The following METTL15 variants were observed in gnomAD, a reference collection of about 807,000 sequenced individuals.
METTL15 encodes the protein 12S rRNA N(4)-cytidine methyltransferase METTL15.
METTL15 carries 34 observed loss-of-function variants against 38.3 expected under a neutral mutation model. That is an observed-to-expected ratio of 0.89 (90% CI 0.68 to 1.18). The LOEUF (loss-of-function observed/expected upper bound fraction) is 1.18. METTL15 is among the 50% of genes most tolerant of loss of function. The pLI, the probability that METTL15 is intolerant of heterozygous loss-of-function variation, is 0.00. For missense variants in METTL15, 438 were observed against 498.4 expected (o/e 0.88, Z 1.15); for synonymous variants, 162 against 170.9 (o/e 0.95, Z 0.41).
At chr11:28,325,302 A>G (rs1400664219) in intron 6 of METTL15, among the ~76,000 whole-genome samples, 1 of 152,196 alleles carries the variant, frequency 6.6e-6, no homozygotes, top group Non-Finnish European at 1.5e-5. Context: ...ACCTCGGCCT[A>G]TCCTTGACCA....
At chr11:28,135,092 G>A (rs777266283) in intron 3 of METTL15, among the ~76,000 whole-genome samples, 3 of 152,178 alleles carry the variant, frequency 2.0e-5, no homozygotes, top group Non-Finnish European at 4.4e-5. Flanking sequence ...AGTTTAAAAT[G>A]TAGGCAAAAA....
At chr11:28,480,720 G>T (rs899454823) in intron 6 of METTL15, among the ~76,000 whole-genome samples, 1 of 152,166 alleles carries the variant, frequency 6.6e-6, no homozygotes, top group African/African-American at 2.4e-5. Flanking sequence ...AGATATTAAG[G>T]TTTTAGAATT....
intron 6 of METTL15, among the ~76,000 whole-genome samples, chr11:28,473,764 T>C (rs1192877008): frequency 6.6e-6 from 1 of 152,222 alleles, no homozygotes; most frequent in South Asian, 2.1e-4. Context: ...ATCTTTCTCC[T>C]TGGCCTGACC....
At chr11:28,521,383 A>C (rs1237216535) in intron 6 of METTL15, among the ~76,000 whole-genome samples, 2 of 152,232 alleles carry the variant, frequency 1.3e-5, no homozygotes, top group Admixed American at 1.3e-4. Flanking sequence ...AAGCCAAAAG[A>C]GCACTATACC....
intron 6 of METTL15, among the ~76,000 whole-genome samples, chr11:28,432,992 T>A (rs1300784487): frequency 6.6e-6 from 1 of 152,030 alleles, no homozygotes; most frequent in African/African-American, 2.4e-5. Flanking sequence ...ATAAACTATT[T>A]TCCTTTATAT....
downstream of METTL15, among the ~76,000 whole-genome samples, chr11:28,333,753 A>G (rs577648310): frequency 3.9e-5 from 6 of 152,062 alleles, no homozygotes; most frequent in East Asian, 1.2e-3. Flanking sequence ...AGTATATGAT[A>G]TATTATTTGT....
chr11:28,358,303 G>C (rs1850107305), intron 4 of METTL15, among the ~76,000 whole-genome samples: 2 of 152,184 alleles, frequency 1.3e-5, no homozygotes, highest in African/African-American at 4.8e-5. Context: ...AGAGAATCCA[G>C]CCATGCTATG....
At chr11:28,293,257 T>G (rs1402039319) in intron 5 of METTL15, among the ~76,000 whole-genome samples, 2 of 152,194 alleles carry the variant, frequency 1.3e-5, no homozygotes, top group African/African-American at 4.8e-5. Context: ...GGGATCCAGT[T>G]TCAGCTTTCT....
intron 6 of METTL15, among the ~76,000 whole-genome samples, chr11:28,305,102 G>T (rs973239655): frequency 6.6e-5 from 10 of 152,040 alleles, no homozygotes; most frequent in Non-Finnish European, 1.0e-4. Context: ...AACTAAATTA[G>T]CAAATGACAT....
chr11:28,152,006 G>A (rs374082207), intron 3 of METTL15, among the ~76,000 whole-genome samples: 18 of 152,054 alleles, frequency 1.2e-4, no homozygotes, highest in African/African-American at 4.3e-4. Context: ...AATTCCCAGC[G>A]TGAGTGCCTG....
chr11:28,119,345 T>C (rs1412067722), intron 3 of METTL15, among the ~76,000 whole-genome samples: 4 of 152,212 alleles, frequency 2.6e-5, no homozygotes, highest in Admixed American at 6.5e-5. Flanking sequence ...TTTAAGTGAA[T>C]GAATAAAAGT....
intron 3 of METTL15, among the ~76,000 whole-genome samples, chr11:28,202,617 A>T (rs1852158392): frequency 6.6e-6 from 1 of 152,142 alleles, no homozygotes; most frequent in African/African-American, 2.4e-5. Context: ...CCTGAAAAAA[A>T]AATCTATATA....
At chr11:28,195,541 C>T (rs1851878686) in intron 3 of METTL15, among the ~76,000 whole-genome samples, 1 of 151,896 alleles carries the variant, frequency 6.6e-6, no homozygotes. Context: ...ATGATATTTG[C>T]CTGCATTTTA....
Position 28,383,825 on chromosome 11 carries a change from A to G in METTL15, c.*358+21789A>G, listed in dbSNP as rs569932582. 7.0e-4 allele frequency among the ~76,000 whole-genome samples: 107 copies of G among 151,876 alleles called. 1 individual carries two copies. The highest frequency in any genetic ancestry group is 1.3e-3 in the Non-Finnish European group (90 of 67,914). On this transcript the variant is annotated intron_variant and NMD_transcript_variant, in intron 5 of 7. Transcript: ENST00000532947. Reference sequence around the variant, plus strand: ...TATTTTTATTATTTTTTTAACTTTTATTTTAAGTTCAGGGATGCACATGGA... The same window carrying G: ...TATTTTTATTATTTTTTTAACTTTTGTTTTAAGTTCAGGGATGCACATGGA...
intron 6 of METTL15, among the ~76,000 whole-genome samples, chr11:28,304,963 T>G (rs1169356120): frequency 2.0e-5 from 3 of 152,274 alleles, no homozygotes; most frequent in East Asian, 3.9e-4. Flanking sequence ...AAACCTACAG[T>G]TGAATTTGGA....
chr11:28,432,909 G>A (rs1850945177), intron 6 of METTL15, among the ~76,000 whole-genome samples: 1 of 136,924 alleles, frequency 7.3e-6, no homozygotes. Context: ...GCTCATTTTG[G>A]TAACCTCCTT....
At chr11:28,296,610 T>C in intron 5 of METTL15, 143 bp from the exon 6 acceptor site, 1 of 737,882 alleles carries the variant, frequency 1.4e-6, no homozygotes, top group Non-Finnish European at 2.2e-6. Flanking sequence ...TTCATTTGTT[T>C]AAGGTTTCAG....
chr11:28,238,220 AGAG>A (rs1468996683), intron 4 of METTL15, among the ~76,000 whole-genome samples: 1 of 152,216 alleles, frequency 6.6e-6, no homozygotes, highest in Non-Finnish European at 1.5e-5. Flanking sequence ...TGGAGCCTAC[AGAG>A]GCAGGCAGGC....
chr11:28,181,259 A>ATTTTTTTTTTTTT (rs71449171), intron 3 of METTL15, among the ~76,000 whole-genome samples: 118 of 133,764 alleles, frequency 8.8e-4, no homozygotes, highest in Non-Finnish European at 1.2e-3. Flanking sequence ...TTAATTTTTA[A>ATTTTTTTTTTTTT]TTTTTTTTTT....
Sources: allele counts gnomAD v4.1 joint callset (sites outside exome capture counted in the v4.1 genomes callset), GRCh38; gene constraint gnomAD v4.1.1; transcripts MANE v1.5; gene names NCBI Gene and HGNC (gene_info 2026-07-23, HGNC 2026-07-21).